The following SLC14A2 variants were observed in gnomAD, a reference collection of about 807,000 sequenced individuals.
SLC14A2 encodes the protein solute carrier family 14 member 2, also known as urea transporter 2.
Under a neutral mutation model 104.6 loss-of-function variants are expected in SLC14A2, and 91 were observed. The ratio of observed to expected loss-of-function variants is 0.87; its 90% CI spans 0.73 to 1.04. SLC14A2 has a LOEUF of 1.04. Among genes scored for constraint, SLC14A2 ranks in the 50% least tolerant of loss-of-function variants. The probability of loss-of-function intolerance (pLI) is 0.00; values close to 1 mark genes in which losing one functional copy is unlikely to be tolerated. For synonymous variants in SLC14A2, 476 were observed against 466.4 expected, an observed-to-expected ratio of 1.02 and a Z score of -0.27; for missense variants, 1,189 against 1,156.0, an observed-to-expected ratio of 1.03 and a Z score of -0.41.
intron 1 of SLC14A2, among the ~76,000 whole-genome samples, chr18:45,431,249 G>A (rs1390021563): frequency 6.6e-6 from 1 of 152,090 alleles, no homozygotes; most frequent in Non-Finnish European, 1.5e-5. Context: ...GAATTAAGAT[G>A]TTATATTTTA....
chr18:45,639,669 G>A, intron 6 of SLC14A2, 77 bp from the exon 7 acceptor site: 1 of 1,452,956 alleles, frequency 6.9e-7, no homozygotes, highest in Non-Finnish European at 9.5e-7. Context: ...CCCGAGGAAT[G>A]GCTCAAATCT....
At position 45,643,128 on chromosome 18, in the gene SLC14A2, A is replaced by G. The variant is rs1456434510; in HGVS notation, c.1127-4A>G. ...TCACTCTGGTGATCCTTGTTCCTCCACAGCCCTGTTCTGTGCATACATGGA... is the reference window on the plus strand; with the variant it reads ...TCACTCTGGTGATCCTTGTTCCTCCGCAGCCCTGTTCTGTGCATACATGGA... On this transcript the variant is annotated splice_region_variant and splice_polypyrimidine_tract_variant and intron_variant, in intron 8 of 19. Transcript: ENST00000255226. 3.1e-6 allele frequency: 5 copies of G among 1,614,100 alleles called. No homozygotes were observed. Among genetic ancestry groups the G allele is most frequent in the East Asian group, 2.2e-5 (1 of 44,870 alleles).
intron 1 of SLC14A2, among the ~76,000 whole-genome samples, chr18:45,440,135 G>A (rs1440083941): frequency 6.6e-6 from 1 of 152,158 alleles, no homozygotes; most frequent in Non-Finnish European, 1.5e-5. Context: ...TCTTCCAAAG[G>A]AGTATGAATA....
At chr18:45,532,877 T>C (rs34379108) in intron 2 of SLC14A2, among the ~76,000 whole-genome samples, 34,343 of 152,036 alleles carry the variant, frequency 0.23, 6,080 homozygotes, top group African/African-American at 0.49. Flanking sequence ...GTACCATCAA[T>C]ACCTAATTTA....
At chr18:45,412,312 G>A (rs529266425) in intron 1 of SLC14A2, among the ~76,000 whole-genome samples, 6 of 152,252 alleles carry the variant, frequency 3.9e-5, no homozygotes, top group Middle Eastern at 3.4e-3. Context: ...AGGTATTTTT[G>A]TTCACCGTGC....
chr18:45,543,275 T>A lies in SLC14A2; in HGVS notation c.-35+59953T>A, dbSNP rs1042637004. Among the ~76,000 whole-genome samples, 20 of 152,184 alleles carry A rather than the reference T, an allele frequency of 1.3e-4. No individual in the cohort carries two copies. In the East Asian group the frequency reaches 3.5e-3, roughly 26 times the overall value. On this transcript the variant is annotated intron_variant, in intron 2 of 20. Coordinates refer to the SLC14A2 transcript ENST00000586448. ...TGTCTTTAAATTGACTCACATTTTTTAAAATAATAGGCTTACCCAAGATAA... is the reference window on the plus strand; with the variant it reads ...TGTCTTTAAATTGACTCACATTTTTAAAAATAATAGGCTTACCCAAGATAA...
chr18:45,438,815 A>G lies in SLC14A2; in HGVS notation c.-124-44418A>G, dbSNP rs1176354440. Among the ~76,000 whole-genome samples, 4 of 152,322 alleles carry G rather than the reference A, an allele frequency of 2.6e-5. No homozygotes were observed. The East Asian group carries it at 7.7e-4, about 29-fold the overall frequency. On this transcript the variant is annotated intron_variant, in intron 1 of 20. Transcript: ENST00000586448. The stretch of plus-strand genomic sequence containing the variant: ...TTTAAGAATTCCTGTCCATATAAGA[A>G]TTCATCAAGGAGCTGTGGGGGACAT...
intron 1 of SLC14A2, among the ~76,000 whole-genome samples, chr18:45,459,781 C>T (rs993257063): frequency 2.6e-5 from 4 of 152,138 alleles, no homozygotes; most frequent in African/African-American, 9.7e-5. Context: ...TTCGATCATG[C>T]CTTTGAGGGT....
intron 2 of SLC14A2, among the ~76,000 whole-genome samples, chr18:45,536,643 G>A (rs1331784999): frequency 6.6e-6 from 1 of 152,094 alleles, no homozygotes. Flanking sequence ...ACAATCCATT[G>A]CCAAGTAAAG....
chr18:45,673,585 A>G, intron 17 of SLC14A2, 98 bp from the exon 18 acceptor site: 1 of 1,349,864 alleles, frequency 7.4e-7, no homozygotes, highest in Non-Finnish European at 1.0e-6. Flanking sequence ...TAAGAAGATA[A>G]CTGGCTCCGG....
intron 1 of SLC14A2, among the ~76,000 whole-genome samples, chr18:45,276,210 A>T (rs1456051379): frequency 1.3e-5 from 2 of 152,198 alleles, no homozygotes; most frequent in African/African-American, 2.4e-5. Context: ...TGGTAAGAAA[A>T]TATTTCACAG....
chr18:45,270,636 G>T (rs2084642241), intron 1 of SLC14A2, among the ~76,000 whole-genome samples: 1 of 152,082 alleles, frequency 6.6e-6, no homozygotes. Context: ...AAAAGTATGT[G>T]CTCATTGGAT....
In SLC14A2 at chr18:45,512,405, G is replaced by T. The variant is rs79241569; in HGVS notation, c.-35+29083G>T. On this transcript the variant is annotated intron_variant, in intron 2 of 20. Coordinates refer to the SLC14A2 transcript ENST00000586448. ...TCTCAGTTTTACACTGCCATACCCA[G>T]AAAATTGCCTGATGCATACTGAAGA... 5.4e-4 allele frequency among the ~76,000 whole-genome samples: 82 copies of T among 152,282 alleles called. 1 individual carries two copies. The East Asian group carries it at 7.5e-3, about 14-fold the overall frequency.
chr18:45,677,372 AT>A (rs1308640504), intron 18 of SLC14A2, among the ~76,000 whole-genome samples: 54 of 152,250 alleles, frequency 3.5e-4, no homozygotes, highest in African/African-American at 1.2e-3. Context: ...GCTCCCCTCT[AT>A]TCGGGGGCCT....
intron 1 of SLC14A2, among the ~76,000 whole-genome samples, chr18:45,342,376 CA>C (rs1178311871): frequency 1.3e-5 from 2 of 152,060 alleles, no homozygotes; most frequent in Admixed American, 6.6e-5. Context: ...GCAGGAACAG[CA>C]GGGGGATTCC....
chr18:45,612,655 G>A (rs765909982), upstream of SLC14A2, among the ~76,000 whole-genome samples: 8 of 152,206 alleles, frequency 5.3e-5, no homozygotes, highest in Non-Finnish European at 1.2e-4. Context: ...AGGTTGTGGG[G>A]CTTCCCCAAG....
At chr18:45,608,073 G>A (rs1208927890) in intron 2 of SLC14A2, among the ~76,000 whole-genome samples, 8 of 152,196 alleles carry the variant, frequency 5.3e-5, no homozygotes, top group Admixed American at 2.0e-4. Flanking sequence ...TCTGGTTTCC[G>A]TTAGAGTACG....
intron 1 of SLC14A2, among the ~76,000 whole-genome samples, chr18:45,416,411 A>G (rs1476549766): frequency 6.6e-6 from 1 of 152,140 alleles, no homozygotes; most frequent in African/African-American, 2.4e-5. Context: ...ATTGCACTGT[A>G]CGCTCTTTGG....
chr18:45,181,985 CGA>C, the SLC14A2 span, among the ~76,000 whole-genome samples: 1 of 151,856 alleles, frequency 6.6e-6, no homozygotes, highest in Non-Finnish European at 1.5e-5. Flanking sequence ...GTTCCTAAAA[CGA>C]GAGAGTATTT....
Sources: allele counts gnomAD v4.1 joint callset (sites outside exome capture counted in the v4.1 genomes callset), GRCh38; gene constraint gnomAD v4.1.1; transcripts MANE v1.5; gene names NCBI Gene and HGNC (gene_info 2026-07-23, HGNC 2026-07-21).